INTS11: variants seen among roughly 807,000 people sequenced by gnomAD.
The protein encoded by INTS11 is integrator complex subunit 11, also known as CPSF3-like protein.
Under a neutral mutation model 78.6 loss-of-function variants are expected in INTS11, and 77 were observed. That is an observed-to-expected ratio of 0.98 (90% CI 0.81 to 1.18). INTS11 has a LOEUF of 1.18. Ranked by LOEUF, INTS11 falls within the 50% of genes most tolerant of loss-of-function variation. INTS11 has a pLI of 0.00. For missense variants in INTS11, 875 were observed against 825.9 expected (o/e 1.06, Z -0.73); for synonymous variants, 441 against 326.9 (o/e 1.35, Z -3.77).
chr1:1,315,614 T>G lies in INTS11; in HGVS notation c.434A>C (p.Asp145Ala). 6.2e-7 allele frequency: 1 copy of G among 1,609,676 alleles called. No individual in the cohort carries two copies. Among genetic ancestry groups the G allele is most frequent in the Non-Finnish European group, 8.5e-7 (1 of 1,178,732 alleles). The change falls in exon 5 of 17, where the codon GAT becomes GCT. Residue 145 changes from aspartate to alanine, a missense_variant. Coordinates refer to ENST00000435064, the MANE Select transcript of INTS11 (RefSeq NM_017871.6). ...GTAGGCCTTGATCTCCAGCTCATCA[T>G]CTACCTGTGGAGGACAGGGCTGCGC... is the stretch of plus-strand genomic sequence containing the variant. ...AVHLHQTVQV[D>A]DELEIKAYYA... is the part of the protein sequence containing the mutation.
intron 2 of INTS11, chr1:1,320,746 G>A: frequency 1.4e-6 from 1 of 716,304 alleles, no homozygotes; most frequent in South Asian, 1.5e-5. Flanking sequence ...TGAGCTGGAA[G>A]CTGAGCCCAG....
chr1:1,311,969 G>T (rs754469585), intron 16 of INTS11, 45 bp from the exon 17 acceptor site: 1 of 1,596,396 alleles, frequency 6.3e-7, no homozygotes, highest in South Asian at 1.1e-5. Flanking sequence ...GGACAGGGAG[G>T]AATGTTGATA....
chr1:1,321,898 T>TTGCCCCCCCCC, intron 1 of INTS11: 1 of 1,141,980 alleles, frequency 8.8e-7, no homozygotes, highest in South Asian at 2.1e-5. Context: ...TCCCCTTGAA[T>TTGCCCCCCCCC]CCCACCCACC....
Position 1,313,813 on chromosome 1 carries a change from C to T in INTS11, c.876G>A (p.Lys292=), listed in dbSNP as rs1258412461. ...FIPWTNQKIR[K]TFVQRNMFEF... is the part of the protein sequence containing the mutation. Reference sequence around the variant, plus strand: ...CAAACATGTTCCTCTGCACGAAAGTCTTGCGGATCTTCTGGTTGGTCCAGG... The same window carrying T: ...CAAACATGTTCCTCTGCACGAAAGTTTTGCGGATCTTCTGGTTGGTCCAGG... Residue 292 remains lysine, a synonymous_variant, in exon 9 of 17, where the codon AAG becomes AAA. Coordinates refer to ENST00000435064, the MANE Select transcript of INTS11 (RefSeq NM_017871.6). 2.5e-6 allele frequency: 4 copies of T among 1,613,428 alleles called. No individual in the cohort carries two copies. In the African/African-American group the frequency reaches 5.3e-5, roughly 22 times the overall value.
chr1:1,312,165 G>T lies in INTS11; in HGVS notation c.1608-18C>A. On this transcript the variant is annotated intron_variant, in intron 15 of 16. Coordinates refer to ENST00000435064, the MANE Select transcript of INTS11 (RefSeq NM_017871.6). The stretch of plus-strand genomic sequence containing the variant: ...TCAGGACGCTGTGGGGAGGCTCGGT[G>T]AGACCCTGCCTGGCCTCCAGGGCCC... 6.8e-7 allele frequency: 1 copy of T among 1,478,956 alleles called. No homozygotes were observed. Among genetic ancestry groups the T allele is most frequent in the Non-Finnish European group, 8.9e-7 (1 of 1,121,320 alleles). 91.6% of individuals were successfully genotyped at this position (1,478,956 alleles called of 1,614,324 possible). A position where few individuals can be genotyped will look rare whatever the true frequency, so the allele number is the denominator to read the frequency against.
chr1:1,315,534 A>G lies in INTS11; in HGVS notation c.514T>C (p.Ser172Pro). ...CTTCCACTGACCGTGTAGACCACAG[A>G]CTCTGAGCCCACTTTAATCTGGAAC... ...AMFQIKVGSE[S>P]VVYTGDYNMT... The change falls in exon 5 of 17, where the codon TCT becomes CCT. Residue 172 changes from serine (S) to proline (P), a missense_variant. Physicochemically the swap from Ser to Pro is moderately conservative, Grantham distance 74 (BLOSUM62 -1). Transcript: ENST00000435064. The G allele has an allele frequency of 6.2e-7, 1 of 1,611,082 alleles. No individual in the cohort carries two copies. The highest frequency in any genetic ancestry group is 1.4e-5 in the African/African-American group (1 of 73,980).
At chr1:1,318,817 CTT>C in intron 4 of INTS11, 1 of 609,914 alleles carries the variant, frequency 1.6e-6, no homozygotes, top group South Asian at 2.0e-5. Context: ...AACCCATAAT[CTT>C]TGTCAGAAAT....
At chr1:1,316,836 A>AGGCGGGTGGAT (rs1359197231) in intron 4 of INTS11, 2 of 149,438 alleles carry the variant, frequency 1.3e-5, no homozygotes, top group Non-Finnish European at 1.5e-5. Context: ...AGGCAGGAGA[A>AGGCGGGTGGAT]CTGCTTGAAC....
chr1:1,314,022 C>T lies in INTS11; in HGVS notation c.768-101G>A, dbSNP rs113668188. ...CCAACACCCGTGTCTGCACAGCCCACGCACGGGCCAGGTTGAGTCCAGTCG... is the reference window on the plus strand; with the variant it reads ...CCAACACCCGTGTCTGCACAGCCCATGCACGGGCCAGGTTGAGTCCAGTCG... On this transcript the variant is annotated intron_variant, in intron 8 of 16. Coordinates refer to ENST00000435064, the MANE Select transcript of INTS11 (RefSeq NM_017871.6). This position sits in a 1 kb window ranked among gnomAD's most constrained non-coding sequence, Gnocchi z 4.2. The T allele has an allele frequency of 2.9e-5, 36 of 1,234,438 alleles. No homozygotes were observed. The highest frequency in any genetic ancestry group is 1.0e-4 in the African/African-American group (7 of 67,386). The allele number at this position is 1,234,438 out of a possible 1,614,324, so 76.5% of individuals were successfully genotyped here.
At chr1:1,319,894 C>A in intron 3 of INTS11, 1 of 252,674 alleles carries the variant, frequency 4.0e-6, no homozygotes, top group Non-Finnish European at 7.7e-6. Flanking sequence ...GCCTGGCAAG[C>A]CCCAGGAAGG....
intron 6 of INTS11, 131 bp from the exon 7 acceptor site, chr1:1,315,093 T>C (rs757749226): frequency 8.6e-7 from 1 of 1,168,198 alleles, no homozygotes; most frequent in Non-Finnish European, 1.2e-6. Flanking sequence ...AAGAGCCAGC[T>C]GGTAAAATGC....
chr1:1,315,403 C>T lies in INTS11; in HGVS notation c.563+1G>A. 3 of 1,613,406 alleles carry T rather than the reference C, an allele frequency of 1.9e-6. No individual in the cohort carries two copies. Among genetic ancestry groups the T allele is most frequent in the Non-Finnish European group, 2.5e-6 (3 of 1,179,962 alleles). ...ACAAAAAGACACCTCAGCCTACTTA[C>T]CCTAAGTGTCGGTCTGGGGTCATGT... is the stretch of plus-strand genomic sequence containing the variant. On this transcript the variant is annotated splice_donor_variant, in intron 6 of 16. Coordinates refer to ENST00000435064, the MANE Select transcript of INTS11 (RefSeq NM_017871.6). LOFTEE classifies it high-confidence loss of function.
intron 1 of INTS11, chr1:1,321,974 C>A: frequency 7.2e-7 from 1 of 1,380,720 alleles, no homozygotes. Flanking sequence ...GGGCCACAGC[C>A]GAGGGGCTGC....
At position 1,319,379 on chromosome 1, in the gene INTS11, C is replaced by A. The variant is rs755966677; in HGVS notation, c.346G>T (p.Gly116Cys). Residue 116 changes from glycine (G) to cysteine (C), a missense_variant, in exon 4 of 17, where the codon GGC (glycine) becomes TGC (cysteine). By Grantham distance (159) the Gly-to-Cys change is radical (BLOSUM62 -3). Coordinates refer to ENST00000435064, the MANE Select transcript of INTS11 (RefSeq NM_017871.6). Reference sequence around the variant, plus strand: ...TGGGAGGTGAAGAAGTTGGCCTCGCCCTTCTTGTCTACGGCGATCTTGCGG... The same window carrying A: ...TGGGAGGTGAAGAAGTTGGCCTCGCACTTCTTGTCTACGGCGATCTTGCGG... Reference protein sequence around the residue: ...DYRKIAVDKKGEANFFTSQMI... With the variant: ...DYRKIAVDKKCEANFFTSQMI... 1 of 1,613,382 alleles carries A rather than the reference C, an allele frequency of 6.2e-7. No individual in the cohort carries two copies. The highest frequency in any genetic ancestry group is 8.5e-7 in the Non-Finnish European group (1 of 1,180,000).
intron 4 of INTS11, chr1:1,316,997 T>G (rs984711288): frequency 3.3e-5 from 5 of 151,998 alleles, no homozygotes; most frequent in Admixed American, 6.6e-5. Context: ...CAATCATGGC[T>G]CACTCAAACT....
rs775795091 is a variant in INTS11, at chr1:1,314,348, G to A, written c.720C>T (p.Phe240=). 1.5e-5 allele frequency: 24 copies of A among 1,607,528 alleles called. No homozygotes were observed. Among genetic ancestry groups the A allele is most frequent in the East Asian group, 4.5e-5 (2 of 44,574 alleles). The change falls in exon 8 of 17, where the codon TTC becomes TTT. Residue 240 remains phenylalanine (F), a synonymous_variant. Coordinates refer to ENST00000435064, the MANE Select transcript of INTS11 (RefSeq NM_017871.6). The surrounding 1 kb of genome is among the most constrained non-coding windows in gnomAD (Gnocchi z 4.2). Reference sequence around the variant, plus strand: ...AGAGCTCCTGGGCGCGGCCCAGCGCGAACACAGGTATCAGCACCTGAGGGG... The same window carrying A: ...AGAGCTCCTGGGCGCGGCCCAGCGCAAACACAGGTATCAGCACCTGAGGGG... ...ERGGKVLIPV[F]ALGRAQELCI...
chr1:1,312,017 C>A lies in INTS11; in HGVS notation c.1737+1G>T. ...GCGGTGGGGTGGGGGTCACCCCTTA[C>A]CTGGTAGGTCCAGGAGACCAGCAGC... On this transcript the variant is annotated splice_donor_variant, in intron 16 of 16. Transcript: ENST00000435064. LOFTEE classifies it high-confidence loss of function. 3.2e-6 allele frequency: 5 copies of A among 1,579,196 alleles called. No individual in the cohort carries two copies. The East Asian group carries it at 6.9e-5, about 22-fold the overall frequency.
chr1:1,314,327 C>T lies in INTS11; in HGVS notation c.741G>A (p.Glu247=), dbSNP rs1432700205. ...AGAAGGTCTCCAGGAGGATGCAGAG[C>T]TCCTGGGCGCGGCCCAGCGCGAACA... ...IPVFALGRAQ[E]LCILLETFWE... Residue 247 remains glutamate, a synonymous_variant, in exon 8 of 17, where the codon GAG becomes GAA. Coordinates refer to ENST00000435064, the MANE Select transcript of INTS11 (RefSeq NM_017871.6). The surrounding 1 kb of genome is among the most constrained non-coding windows in gnomAD (Gnocchi z 4.2). The T allele has an allele frequency of 3.7e-6, 6 of 1,606,102 alleles. No homozygotes were observed. In the Admixed American group the frequency reaches 5.1e-5, roughly 14 times the overall value.
In INTS11 at chr1:1,311,905, A is replaced by G. The variant is rs1267839645; in HGVS notation, c.1757T>C (p.Phe586Ser). ...GCCCTTCTTCAGCAGAGATGTGAGG[A>G]AGCTCCCCAGCTCCTCGTCCTAGGG... ...WTYQDEELGS[F>S]LTSLLKKGLP... is the part of the protein sequence containing the mutation. The change falls in exon 17 of 17, where the codon TTC (phenylalanine) becomes TCC (serine). Residue 586 changes from phenylalanine to serine, a missense_variant. Physicochemically the swap from Phe to Ser is radical, Grantham distance 155. Coordinates refer to ENST00000435064, the MANE Select transcript of INTS11 (RefSeq NM_017871.6). 1 of 1,573,048 alleles carries G rather than the reference A, an allele frequency of 6.4e-7. No homozygotes were observed. Among genetic ancestry groups the G allele is most frequent in the South Asian group, 1.2e-5 (1 of 86,662 alleles).
Sources: allele counts gnomAD v4.1 joint callset, GRCh38; gene constraint gnomAD v4.1.1; non-coding constraint Gnocchi (gnomAD v3.1); transcripts MANE v1.5; gene names NCBI Gene and HGNC (gene_info 2026-07-23, HGNC 2026-07-21).